EXOC6B: variants seen among roughly 807,000 people sequenced by gnomAD.
EXOC6B encodes SEC15 homolog B.
In EXOC6B, 54 loss-of-function variants were observed where a neutral mutation model predicts 113.5. The observed-to-expected ratio is 0.48, with a 90% CI of 0.38 to 0.60. EXOC6B has a LOEUF of 0.60. Among genes scored for constraint, EXOC6B ranks in the 20% least tolerant of loss-of-function variants. The probability of loss-of-function intolerance (pLI) is 0.00; values close to 1 mark genes in which losing one functional copy is unlikely to be tolerated. For synonymous variants in EXOC6B, 357 were observed against 339.0 expected (o/e 1.05, Z -0.58); for missense variants, 797 against 977.5 (o/e 0.82, Z 2.46).
intron 16 of EXOC6B, among the ~76,000 whole-genome samples, chr2:72,483,210 G>A (rs1699209020): frequency 6.6e-6 from 1 of 152,164 alleles, no homozygotes; most frequent in Admixed American, 6.5e-5. Context: ...TTTAAGTTGT[G>A]TGAATTAAAT....
intron 20 of EXOC6B, among the ~76,000 whole-genome samples, chr2:72,201,463 C>A (rs564624433): frequency 1.6e-3 from 249 of 152,156 alleles, no homozygotes; most frequent in African/African-American, 5.7e-3. Context: ...TTTAGTGAAC[C>A]AGCTTAAATA....
At chr2:72,775,176 A>G (rs572898975) in intron 1 of EXOC6B, among the ~76,000 whole-genome samples, 2 of 152,212 alleles carry the variant, frequency 1.3e-5, no homozygotes, top group South Asian at 2.1e-4. Flanking sequence ...GTTTAATTAC[A>G]TGGGTATGAT....
chr2:72,554,210 A>T (rs560082817), intron 8 of EXOC6B, among the ~76,000 whole-genome samples: 111 of 152,236 alleles, frequency 7.3e-4, no homozygotes, highest in Non-Finnish European at 1.4e-3. Flanking sequence ...TTTAGATTAC[A>T]CAATTCTCCC....
intron 17 of EXOC6B, among the ~76,000 whole-genome samples, chr2:72,468,416 C>T (rs557347265): frequency 5.9e-5 from 9 of 152,182 alleles, no homozygotes; most frequent in Admixed American, 5.2e-4. Flanking sequence ...TATCCTTTCC[C>T]CTTTTGTGTG....
chr2:72,518,012 T>A (rs1701301383), intron 8 of EXOC6B, among the ~76,000 whole-genome samples: 1 of 152,164 alleles, frequency 6.6e-6, no homozygotes. Flanking sequence ...TAAATTCACC[T>A]TTCATTATTC....
chr2:72,808,649 G>A (rs569247724), intron 1 of EXOC6B, among the ~76,000 whole-genome samples: 27 of 152,186 alleles, frequency 1.8e-4, no homozygotes, highest in Admixed American at 3.3e-4. Context: ...TAGGCATAGT[G>A]GTACACACCT....
Position 72,379,592 on chromosome 2 carries a change from T to C in EXOC6B, c.2122+137A>G. On this transcript the variant is annotated intron_variant, in intron 19 of 21. Coordinates refer to ENST00000272427, the MANE Select transcript of EXOC6B (RefSeq NM_015189.3). Reference sequence around the variant, plus strand: ...TGATAAACTCTATTTCTAGATGTTCTATAAGTTATCTCTGTTATCTAGGTA... The same window carrying C: ...TGATAAACTCTATTTCTAGATGTTCCATAAGTTATCTCTGTTATCTAGGTA... 5.0e-6 allele frequency: 4 copies of C among 793,198 alleles called. No homozygotes were observed. In the South Asian group the frequency reaches 8.4e-5, roughly 17 times the overall value. 49.1% of individuals were successfully genotyped at this position (793,198 alleles called of 1,614,324 possible).
intron 6 of EXOC6B, among the ~76,000 whole-genome samples, chr2:72,587,967 T>A (rs950639106): frequency 2.0e-5 from 3 of 152,160 alleles, no homozygotes; most frequent in Non-Finnish European, 4.4e-5. Context: ...GAATACAAGT[T>A]AAAACCACAA....
chr2:72,606,956 T>G (rs1242919037), intron 6 of EXOC6B, among the ~76,000 whole-genome samples: 2 of 152,146 alleles, frequency 1.3e-5, no homozygotes, highest in Non-Finnish European at 2.9e-5. Context: ...CTACCAAACT[T>G]TCCAAAAATC....
At chr2:72,753,460 C>A (rs1682192432) in intron 1 of EXOC6B, among the ~76,000 whole-genome samples, 2 of 152,020 alleles carry the variant, frequency 1.3e-5, no homozygotes, top group South Asian at 4.1e-4. Context: ...ATGCTCTTTC[C>A]CCTCCCTATT....
intron 6 of EXOC6B, among the ~76,000 whole-genome samples, chr2:72,708,154 G>A (rs1679010872): frequency 6.6e-6 from 1 of 152,028 alleles, no homozygotes; most frequent in Non-Finnish European, 1.5e-5. Context: ...ACCTTTTATG[G>A]AAAAAATCAA....
intron 1 of EXOC6B, among the ~76,000 whole-genome samples, chr2:72,745,073 A>T (rs968467020): frequency 1.3e-5 from 2 of 152,222 alleles, no homozygotes; most frequent in Non-Finnish European, 2.9e-5. Flanking sequence ...AGCTTTAAGT[A>T]TCTACAGTTC....
At chr2:72,293,705 A>G (rs1685949713) in intron 20 of EXOC6B, among the ~76,000 whole-genome samples, 1 of 152,202 alleles carries the variant, frequency 6.6e-6, no homozygotes. Flanking sequence ...AGAGGCTTGT[A>G]ATAAGTAATA....
chr2:72,566,494 G>T (rs1704187427), intron 7 of EXOC6B, among the ~76,000 whole-genome samples: 1 of 152,092 alleles, frequency 6.6e-6, no homozygotes, highest in Non-Finnish European at 1.5e-5. Flanking sequence ...TAAATATTAA[G>T]CTTCAAGCTT....
At chr2:72,797,307 G>A (rs1685018446) in intron 1 of EXOC6B, among the ~76,000 whole-genome samples, 1 of 152,140 alleles carries the variant, frequency 6.6e-6, no homozygotes, top group Non-Finnish European at 1.5e-5. Context: ...GACAAAATAA[G>A]TCCCTTTTCT....
chr2:72,246,296 C>T (rs1409274597), intron 20 of EXOC6B, among the ~76,000 whole-genome samples: 2 of 152,106 alleles, frequency 1.3e-5, no homozygotes, highest in Non-Finnish European at 2.9e-5. Context: ...TTCCCTAACA[C>T]TTTATATTTC....
rs542878970 is a variant in EXOC6B at position 72,513,443 on chromosome 2, A to C, written c.1047-191T>G. On this transcript the variant is annotated intron_variant, in intron 10 of 21. Transcript: ENST00000272427. ...CAAAAATTATGTCTGTGATCATGAC[A>C]TCTTCATAACCACTCCTAGAGAGAT... 2.0e-4 allele frequency among the ~76,000 whole-genome samples: 31 copies of C among 152,238 alleles called. No homozygotes were observed. The South Asian group carries it at 6.4e-3, about 32-fold the overall frequency.
intron 17 of EXOC6B, among the ~76,000 whole-genome samples, chr2:72,468,600 G>A (rs1698208381): frequency 6.6e-6 from 1 of 152,096 alleles, no homozygotes; most frequent in African/African-American, 2.4e-5. Flanking sequence ...TGTTCTTTCT[G>A]CTCAAGATTG....
At chr2:72,574,111 CAAA>C (rs11364486) in intron 7 of EXOC6B, among the ~76,000 whole-genome samples, 30 of 110,294 alleles carry the variant, frequency 2.7e-4, no homozygotes, top group Admixed American at 3.6e-4. Context: ...GACTCCATCG[CAAA>C]AAAAAAAAAA....
Sources: allele counts gnomAD v4.1 joint callset (sites outside exome capture counted in the v4.1 genomes callset), GRCh38; gene constraint gnomAD v4.1.1; transcripts MANE v1.5; gene names NCBI Gene and HGNC (gene_info 2026-07-23, HGNC 2026-07-21).